The following RAI2 variants were observed in gnomAD, a reference collection of about 807,000 sequenced individuals.
RAI2 encodes retinoic acid induced 2, also known as retinoic acid-induced protein 2.
Under a neutral mutation model 15.3 loss-of-function variants are expected in RAI2, and 5 were observed. The ratio of observed to expected loss-of-function variants is 0.33; its 90% confidence interval spans 0.17 to 0.69. The LOEUF (loss-of-function observed/expected upper bound fraction) is 0.69, where lower values mean the gene tolerates loss of function less well. Among genes scored for constraint, RAI2 ranks in the 30% least tolerant of loss-of-function variants. The probability of loss-of-function intolerance (pLI) is 0.69; values close to 1 mark genes in which losing one functional copy is unlikely to be tolerated. For synonymous variants in RAI2, 191 were observed against 184.0 expected (o/e 1.04, Z -0.31); for missense variants, 424 against 424.7 (o/e 1.00, Z 0.01).
At chrX:17,847,765 G>A (rs1325194751) in intron 1 of RAI2, among the ~76,000 whole-genome samples, 1 of 112,199 alleles carries the variant, frequency 8.9e-6, no homozygotes, top group African/African-American at 3.2e-5. Context: ...ATGGATGGGG[G>A]AATGAAGAGC....
intron 1 of RAI2, among the ~76,000 whole-genome samples, chrX:17,847,289 T>C (rs1397757365): frequency 8.9e-6 from 1 of 112,099 alleles, no homozygotes; most frequent in Non-Finnish European, 1.9e-5. Context: ...TCTGGGTTAC[T>C]GCAACAGGGC....
chrX:17,804,119 C>A (rs1262677553), intron 1 of RAI2, among the ~76,000 whole-genome samples: 2 of 110,504 alleles, frequency 1.8e-5, no homozygotes, highest in African/African-American at 6.6e-5. Context: ...ACCACCATGC[C>A]CAGCTAATTT....
At position 17,817,477 on chromosome X, in the gene RAI2, A is replaced by C. The variant is rs1223508416; in HGVS notation, c.-24-15443T>G. Reference sequence around the variant, plus strand: ...CCATTCTTTGCTCTGTAACTGCATAAATATCCACTGAAAGAGTCTGTTTCA... The same window carrying C: ...CCATTCTTTGCTCTGTAACTGCATACATATCCACTGAAAGAGTCTGTTTCA... On this transcript the variant is annotated intron_variant, in intron 1 of 1. Transcript: ENST00000451717. 2.7e-5 allele frequency among the ~76,000 whole-genome samples: 3 copies of C among 112,618 alleles called. No homozygotes were observed. In the Admixed American group the frequency reaches 2.8e-4, roughly 11 times the overall value.
chrX:17,859,255 A>T (rs1402216179), intron 1 of RAI2, among the ~76,000 whole-genome samples: 2 of 111,546 alleles, frequency 1.8e-5, no homozygotes, highest in Non-Finnish European at 3.8e-5. Context: ...AAGTTGTCAC[A>T]AGTCTCTCGG....
intron 1 of RAI2, among the ~76,000 whole-genome samples, chrX:17,852,961 A>C (rs1169573537): frequency 9.1e-6 from 1 of 109,779 alleles, no homozygotes; most frequent in Non-Finnish European, 1.9e-5. Flanking sequence ...GTCCATTACA[A>C]TATTACGAGC....
intron 1 of RAI2, among the ~76,000 whole-genome samples, chrX:17,841,609 T>C (rs1426798378): frequency 1.8e-5 from 2 of 112,278 alleles, no homozygotes; most frequent in African/African-American, 6.5e-5. Context: ...TATTCATTTG[T>C]TCATTTATTC....
At chrX:17,807,143 C>G (rs889014282) in intron 1 of RAI2, among the ~76,000 whole-genome samples, 1 of 111,204 alleles carries the variant, frequency 9.0e-6, no homozygotes, top group African/African-American at 3.3e-5. Flanking sequence ...GGAGCTCTCT[C>G]CCACCTCAGC....
rs1362767398 is a variant in RAI2 at position 17,800,372 on chromosome X, C to A, written c.*46G>T. On this transcript the variant is annotated 3_prime_UTR_variant, in exon 2 of 2. Coordinates refer to ENST00000451717, the MANE Select transcript of RAI2 (RefSeq NM_021785.6). Reference sequence around the variant, plus strand: ...TAAATGCCTTTTTATAAAACCAATGCACCTTTCCCCATATTATAATCATAC... The same window carrying A: ...TAAATGCCTTTTTATAAAACCAATGAACCTTTCCCCATATTATAATCATAC... 1 of 1,124,870 alleles carries A rather than the reference C, an allele frequency of 8.9e-7. No homozygotes were observed. Among genetic ancestry groups the A allele is most frequent in the South Asian group, 2.2e-5 (1 of 45,678 alleles). 92.7% of individuals were successfully genotyped at this position (1,124,870 alleles called of 1,213,427 possible). A position where few individuals can be genotyped will look rare whatever the true frequency, so the allele number is the denominator to read the frequency against.
chrX:17,846,653 G>A (rs2147272981), intron 1 of RAI2, among the ~76,000 whole-genome samples: 1 of 111,136 alleles, frequency 9.0e-6, no homozygotes, highest in Non-Finnish European at 1.9e-5. Context: ...GATTGCCTAG[G>A]CCATACCAAG....
intron 1 of RAI2, among the ~76,000 whole-genome samples, chrX:17,852,567 A>G (rs959481317): frequency 9.0e-6 from 1 of 111,681 alleles, no homozygotes; most frequent in African/African-American, 3.3e-5. Flanking sequence ...CTGCCCCCCA[A>G]ACACCCATTC....
chrX:17,802,335 T>C, intron 1 of RAI2, among the ~76,000 whole-genome samples: 1 of 112,416 alleles, frequency 8.9e-6, no homozygotes, highest in Non-Finnish European at 1.9e-5. Context: ...TCTCAGCTTA[T>C]ATGTTTGGCC....
intron 1 of RAI2, among the ~76,000 whole-genome samples, chrX:17,814,662 A>T (rs1195970724): frequency 3.6e-5 from 4 of 109,711 alleles, no homozygotes; most frequent in Admixed American, 2.0e-4. Flanking sequence ...AAGATCTTAT[A>T]AAAAAAACAA....
At chrX:17,822,950 T>C (rs2067184049) in intron 1 of RAI2, among the ~76,000 whole-genome samples, 1 of 112,559 alleles carries the variant, frequency 8.9e-6, no homozygotes, top group Admixed American at 9.4e-5. Context: ...CTGATAGATC[T>C]CATAGGTGTA....
chrX:17,850,139 T>A (rs758076653), intron 1 of RAI2, among the ~76,000 whole-genome samples: 2 of 112,002 alleles, frequency 1.8e-5, no homozygotes, highest in Admixed American at 1.9e-4. Context: ...GCTTCATATG[T>A]GGACTTTTAT....
At chrX:17,846,394 C>A (rs1015940352) in intron 1 of RAI2, among the ~76,000 whole-genome samples, 1 of 111,950 alleles carries the variant, frequency 8.9e-6, no homozygotes, top group African/African-American at 3.3e-5. Context: ...AAACCCCTCT[C>A]CCCTAGCTGG....
Position 17,801,060 on chromosome X carries a change from C to A in RAI2, c.951G>T (p.Leu317=), listed in dbSNP as rs767555767. The change falls in exon 2 of 2, where the codon CTG becomes CTT. Residue 317 remains leucine, a synonymous_variant. Transcript: ENST00000451717. ...AGGGCACTGACTTCATGGAGAGATC[C>A]AGGGCCTCGTTCTCACTTCCCATCT... ...VIKMGSENEA[L]DLSMKSVPWL... 2 of 1,211,729 alleles carry A rather than the reference C, an allele frequency of 1.7e-6. No individual in the cohort carries two copies.
At chrX:17,852,739 C>T (rs900989699) in intron 1 of RAI2, among the ~76,000 whole-genome samples, 4 of 112,160 alleles carry the variant, frequency 3.6e-5, no homozygotes, top group African/African-American at 9.7e-5. Flanking sequence ...GTAGGCATTA[C>T]CAGGTGCTAG....
chrX:17,855,223 T>A (rs993753059), intron 1 of RAI2, among the ~76,000 whole-genome samples: 10 of 111,935 alleles, frequency 8.9e-5, no homozygotes, highest in Non-Finnish European at 1.9e-4. Context: ...ATTCTCTTTT[T>A]TATTTTCTCT....
intron 1 of RAI2, among the ~76,000 whole-genome samples, chrX:17,804,835 T>C (rs2066959463): frequency 8.9e-6 from 1 of 112,712 alleles, no homozygotes; most frequent in South Asian, 3.6e-4. Context: ...GTTCTCATCA[T>C]TTCCTGTGAA....
Sources: allele counts gnomAD v4.1 joint callset (sites outside exome capture counted in the v4.1 genomes callset), GRCh38; gene constraint gnomAD v4.1.1; transcripts MANE v1.5; gene names NCBI Gene and HGNC (gene_info 2026-07-23, HGNC 2026-07-21).